Variants in COG5 observed in about 807,000 individuals in gnomAD.
The protein encoded by COG5 is conserved oligomeric Golgi complex subunit 5.
A neutral mutation model predicts 110.4 loss-of-function variants in COG5; 86 were observed. That is an observed-to-expected ratio of 0.78 (90% CI 0.65 to 0.93). COG5 has a LOEUF of 0.93. COG5 is among the 40% of genes least tolerant of loss of function. The pLI is 0.00. For synonymous variants in COG5, 360 were observed against 334.6 expected, an observed-to-expected ratio of 1.08 and a Z score of -0.83; for missense variants, 1,077 against 987.0, an observed-to-expected ratio of 1.09 and a Z score of -1.22.
chr7:107,258,733 A>T (rs1803084011), intron 14 of COG5: 1 of 200,504 alleles, frequency 5.0e-6, no homozygotes, highest in African/African-American at 2.3e-5. Flanking sequence ...TAACATAGTA[A>T]TCCTAAGGAA....
chr7:107,542,593 T>C (rs1409908648), intron 5 of COG5, among the ~76,000 whole-genome samples: 2 of 152,214 alleles, frequency 1.3e-5, no homozygotes, highest in Non-Finnish European at 2.9e-5. Context: ...ATATTACTCA[T>C]AATGGTCCCA....
rs571758710 is a variant in COG5, at chr7:107,466,397, C to A, written c.539-53765G>T. 2.0e-5 allele frequency among the ~76,000 whole-genome samples: 3 copies of A among 152,106 alleles called. No homozygotes were observed. The South Asian group carries it at 6.2e-4, about 32-fold the overall frequency. On this transcript the variant is annotated intron_variant, in intron 6 of 21. Transcript: ENST00000297135. ...GTATGTGATACTGGCAAATGACTTA[C>A]AAACACAGTGTGAAAAATAAAAATG...
intron 5 of COG5, among the ~76,000 whole-genome samples, chr7:107,527,588 T>TC (rs1800868397): frequency 6.6e-6 from 1 of 152,124 alleles, no homozygotes; most frequent in African/African-American, 2.4e-5. Flanking sequence ...TGCTAAAGAT[T>TC]CACTCATGCT....
chr7:107,311,164 A>G (rs188656651), intron 11 of COG5, among the ~76,000 whole-genome samples: 77 of 152,236 alleles, frequency 5.1e-4, no homozygotes, highest in African/African-American at 1.7e-3. Context: ...GTAGCTGCTT[A>G]TATAATTTTG....
intron 7 of COG5, among the ~76,000 whole-genome samples, chr7:107,402,175 G>A (rs975718914): frequency 6.6e-6 from 1 of 152,086 alleles, no homozygotes; most frequent in African/African-American, 2.4e-5. Context: ...AGGTTGTCAT[G>A]GTACTTTTGG....
At position 107,339,849 on chromosome 7, in the gene COG5, T is replaced by C. The variant is rs940470302; in HGVS notation, c.1027-15328A>G. 2.6e-5 allele frequency among the ~76,000 whole-genome samples: 4 copies of C among 151,996 alleles called. No individual in the cohort carries two copies. In the South Asian group the frequency reaches 8.4e-4, roughly 32 times the overall value. ...AAGAGATAACATACCGAAATCTCTG[T>C]GATGCAGCAAAAGCAGTGTTAAGAG... On this transcript the variant is annotated intron_variant, in intron 10 of 21. Coordinates refer to ENST00000297135, the MANE Select transcript of COG5 (RefSeq NM_006348.5).
At chr7:107,556,858 A>C (rs937223884) in intron 2 of COG5, among the ~76,000 whole-genome samples, 14 of 151,150 alleles carry the variant, frequency 9.3e-5, no homozygotes, top group African/African-American at 3.4e-4. Flanking sequence ...GCAAGCTCCA[A>C]CTCCCAGGTT....
Position 107,546,563 on chromosome 7 carries a change from G to A in COG5, c.417+1548C>T, listed in dbSNP as rs113743312. 6.6e-5 allele frequency among the ~76,000 whole-genome samples: 10 copies of A among 151,074 alleles called. 3 individuals carry two copies. The highest frequency in any genetic ancestry group is 2.4e-4 in the African/African-American group (10 of 41,224). On this transcript the variant is annotated intron_variant, in intron 5 of 21. Transcript: ENST00000297135. ...CAATTCTTCTGCCTCAGCCTCCCGAGTATCTGGGACTACAGGCGTGTCACC... is the reference window on the plus strand; with the variant it reads ...CAATTCTTCTGCCTCAGCCTCCCGAATATCTGGGACTACAGGCGTGTCACC...
chr7:107,524,148 C>T (rs774520909), intron 6 of COG5, among the ~76,000 whole-genome samples: 29 of 152,154 alleles, frequency 1.9e-4, no homozygotes, highest in South Asian at 4.1e-4. Context: ...TTCAAATTTA[C>T]GTAACATAAA....
intron 10 of COG5, among the ~76,000 whole-genome samples, chr7:107,348,222 G>T (rs190631264): frequency 6.6e-6 from 1 of 151,234 alleles, no homozygotes; most frequent in Non-Finnish European, 1.5e-5. Flanking sequence ...CACTTCTGTG[G>T]TAATATTGAA....
At chr7:107,371,851 G>C (rs906668782) in intron 8 of COG5, among the ~76,000 whole-genome samples, 2 of 152,162 alleles carry the variant, frequency 1.3e-5, no homozygotes, top group African/African-American at 4.8e-5. Flanking sequence ...CAGAGTGCTT[G>C]GTCTTTGCTG....
chr7:107,511,314 C>G (rs190757081), intron 6 of COG5, among the ~76,000 whole-genome samples: 8 of 152,114 alleles, frequency 5.3e-5, no homozygotes, highest in South Asian at 2.1e-4. Flanking sequence ...ATAAATTCCT[C>G]GACACATACA....
At chr7:107,523,378 ACT>A (rs1283729131) in intron 6 of COG5, among the ~76,000 whole-genome samples, 2 of 151,176 alleles carry the variant, frequency 1.3e-5, no homozygotes, top group African/African-American at 4.9e-5. Context: ...ACCTTACTCA[ACT>A]CTTTTATTAA....
rs138523963 is a variant in COG5 at position 107,326,804 on chromosome 7, G to T, written c.1027-2283C>A. On this transcript the variant is annotated intron_variant, in intron 10 of 21. Coordinates refer to ENST00000297135, the MANE Select transcript of COG5 (RefSeq NM_006348.5). ...CTAAAATTAATAGAGAATCTCCAGG[G>T]ATCCCAAATATCCAAATATCTTTCT... Among the ~76,000 whole-genome samples, 32 of 152,220 alleles carry T rather than the reference G, an allele frequency of 2.1e-4. No individual in the cohort carries two copies. In the East Asian group the frequency reaches 5.8e-3, roughly 28 times the overall value.
At chr7:107,493,808 G>T (rs1007880045) in intron 6 of COG5, among the ~76,000 whole-genome samples, 2 of 152,236 alleles carry the variant, frequency 1.3e-5, no homozygotes, top group East Asian at 3.9e-4. Context: ...TATGAAAAAG[G>T]TGTTGCTACT....
chr7:107,463,557 C>T lies in COG5; in HGVS notation c.539-50925G>A, dbSNP rs528373122. On this transcript the variant is annotated intron_variant, in intron 6 of 21. Transcript: ENST00000297135. ...CATAAAATTATCAATACTAATTATA[C>T]ATTTAGCAGAGGAACCCAAAACAAT... Among the ~76,000 whole-genome samples the T allele has an allele frequency of 4.6e-5, 7 of 152,176 alleles. No homozygotes were observed. The South Asian group carries it at 6.2e-4, about 14-fold the overall frequency.
At chr7:107,269,059 T>C (rs182135962) in intron 14 of COG5, among the ~76,000 whole-genome samples, 164 of 152,298 alleles carry the variant, frequency 1.1e-3, no homozygotes, top group African/African-American at 3.8e-3. Flanking sequence ...CTTTTGTTTC[T>C]GTATATTTTT....
intron 11 of COG5, among the ~76,000 whole-genome samples, chr7:107,323,881 A>G (rs1358305410): frequency 6.6e-6 from 1 of 152,166 alleles, no homozygotes; most frequent in African/African-American, 2.4e-5. Context: ...CACGCGTAAG[A>G]TATTAGCTGG....
chr7:107,463,485 G>T (rs1796122973), intron 6 of COG5, among the ~76,000 whole-genome samples: 1 of 152,172 alleles, frequency 6.6e-6, no homozygotes, highest in South Asian at 2.1e-4. Context: ...AGCAGCCCAT[G>T]AATAGGAGAA....
Sources: gnomAD v4.1 joint callset for allele counts (sites outside exome capture counted in the v4.1 genomes callset) on GRCh38, gnomAD v4.1.1 for gene constraint, MANE v1.5 for transcripts, NCBI Gene and HGNC (gene_info 2026-07-23, HGNC 2026-07-21) for gene names.